DHRS3: variants seen among roughly 807,000 people sequenced by gnomAD.
The protein encoded by DHRS3 is short-chain dehydrogenase/reductase 3.
DHRS3 carries 14 observed loss-of-function variants against 27.2 expected under a neutral mutation model. The ratio of observed to expected loss-of-function variants is 0.52; its 90% CI spans 0.34 to 0.81. The LOEUF (loss-of-function observed/expected upper bound fraction) is 0.81, where lower values mean the gene tolerates loss of function less well. Among genes scored for constraint, DHRS3 ranks in the 30% least tolerant of loss-of-function variants. The probability of loss-of-function intolerance (pLI) is 0.01; values close to 1 mark genes in which losing one functional copy is unlikely to be tolerated. For synonymous variants in DHRS3, 165 were observed against 175.9 expected, an observed-to-expected ratio of 0.94 and a Z score of 0.49; for missense variants, 322 against 406.2, an observed-to-expected ratio of 0.79 and a Z score of 1.78.
intron 5 of DHRS3, among the ~76,000 whole-genome samples, chr1:12,571,285 G>A (rs1438676727): frequency 6.6e-6 from 1 of 152,186 alleles, no homozygotes; most frequent in Non-Finnish European, 1.5e-5. Context: ...TCTGGAGGAG[G>A]AGTCTCTCAT....
Position 12,617,819 on chromosome 1 carries a change from G to A in DHRS3, c.-471C>T, listed in dbSNP as rs1372918055. 1 of 43,052 alleles carries A rather than the reference G, an allele frequency of 2.3e-5. No individual in the cohort carries two copies. Among genetic ancestry groups the A allele is most frequent in the South Asian group, 8.3e-4 (1 of 1,206 alleles). 2.7% of individuals were successfully genotyped at this position (43,052 alleles called of 1,614,324 possible). ...AAAAAAAAAAAAAAAAAAAAAAGCT[G>A]ATTCCAAATTGTAGCGCCCCCACCC... On this transcript the variant is annotated 5_prime_UTR_variant, in exon 1 of 6. Coordinates refer to ENST00000616661, the MANE Select transcript of DHRS3 (RefSeq NM_004753.7).
At chr1:12,590,385 A>T (rs1313448876) in intron 1 of DHRS3, among the ~76,000 whole-genome samples, 1 of 152,130 alleles carries the variant, frequency 6.6e-6, no homozygotes, top group Non-Finnish European at 1.5e-5. Context: ...ATCTTGGCTC[A>T]CTGAAACCTT....
intron 1 of DHRS3, among the ~76,000 whole-genome samples, chr1:12,609,275 A>G (rs6541044): frequency 0.55 from 83,963 of 151,986 alleles, 24,329 homozygotes; most frequent in African/African-American, 0.74. Context: ...ATCAATGAAC[A>G]GAGCCAACAT....
chr1:12,612,825 G>T (rs1452694374), intron 1 of DHRS3, among the ~76,000 whole-genome samples: 1 of 152,138 alleles, frequency 6.6e-6, no homozygotes, highest in Non-Finnish European at 1.5e-5. Context: ...TCGGGAGGCT[G>T]AGGCAGGTGG....
chr1:12,586,255 A>G lies in DHRS3; in HGVS notation c.196-5589T>C, dbSNP rs1646696275. On this transcript the variant is annotated intron_variant, in intron 1 of 5. Coordinates refer to ENST00000616661, the MANE Select transcript of DHRS3 (RefSeq NM_004753.7). The surrounding 1 kb of genome is among the most constrained non-coding windows in gnomAD (Gnocchi z 5.0). ...AAACCGTAGCTCAAAGGAGTTAAGT[A>G]ACTCACCCCACGCCACCCACTGTGA... 6.6e-6 allele frequency among the ~76,000 whole-genome samples: 1 copy of G among 152,202 alleles called. No homozygotes were observed. The highest frequency in any genetic ancestry group is 1.5e-5 in the Non-Finnish European group (1 of 68,028).
Position 12,593,448 on chromosome 1 carries a change from C to T in DHRS3, c.196-12782G>A, listed in dbSNP as rs961762762. ...TGAACTCCTGGCTTCAAGTGATCCT[C>T]CTGCCTCAGTCTCCCAAAGTGCTGG... On this transcript the variant is annotated intron_variant, in intron 1 of 5. Coordinates refer to ENST00000616661, the MANE Select transcript of DHRS3 (RefSeq NM_004753.7). This position sits in a 1 kb window ranked among gnomAD's most constrained non-coding sequence, Gnocchi z 4.6. 6.6e-6 allele frequency among the ~76,000 whole-genome samples: 1 copy of T among 152,100 alleles called. No individual in the cohort carries two copies. Among genetic ancestry groups the T allele is most frequent in the African/African-American group, 2.4e-5 (1 of 41,404 alleles).
rs147674324 is a variant in DHRS3 at position 12,613,858 on chromosome 1, C to G, written c.195+3296G>C. 6.5e-3 allele frequency among the ~76,000 whole-genome samples: 984 copies of G among 152,272 alleles called. 10 individuals carry two copies. The highest frequency in any genetic ancestry group is 0.038 in the Middle Eastern group (11 of 292). ...GATCTAGGCTCACTGCAACCTCTAC[C>G]TCCTGGGTTCAAGCACTTCTCCTGC... On this transcript the variant is annotated intron_variant, in intron 1 of 5. Transcript: ENST00000616661.
intron 1 of DHRS3, 42 bp downstream of exon 1, chr1:12,617,112 C>A (rs745640932): frequency 3.8e-6 from 6 of 1,579,154 alleles, no homozygotes; most frequent in Admixed American, 3.5e-5. Context: ...CTTACCCCCG[C>A]CCCTGCGGCC....
rs1261431906 is a variant in DHRS3 at position 12,617,739 on chromosome 1, A to G, written c.-391T>C. 1 of 138,868 alleles carries G rather than the reference A, an allele frequency of 7.2e-6. No individual in the cohort carries two copies. Among genetic ancestry groups the G allele is most frequent in the East Asian group, 2.3e-4 (1 of 4,282 alleles). 8.6% of individuals were successfully genotyped at this position (138,868 alleles called of 1,614,324 possible). A position where few individuals can be genotyped will look rare whatever the true frequency, so the allele number is the denominator to read the frequency against. On this transcript the variant is annotated 5_prime_UTR_variant, in exon 1 of 6. Transcript: ENST00000616661. ...GGAAGAAAAAAAAAAAAAGGCACCA[A>G]CCACACGCGCGCACCCTGCCTCGGT...
At chr1:12,583,417 TATCC>T (rs113024057) in intron 1 of DHRS3, among the ~76,000 whole-genome samples, 23,912 of 84,214 alleles carry the variant, frequency 0.28, 3,718 homozygotes, top group Middle Eastern at 0.32. Context: ...CTCACCTACT[TATCC>T]ATCCATCCAT....
chr1:12,579,822 T>C, intron 2 of DHRS3: 1 of 183,512 alleles, frequency 5.4e-6, no homozygotes, highest in South Asian at 1.1e-4. Flanking sequence ...GAACGAGTAA[T>C]TTCTGAGTCC....
At position 12,586,168 on chromosome 1, in the gene DHRS3, A is replaced by G. The variant is rs1646695662; in HGVS notation, c.196-5502T>C. ...AGCTGCTCTCAAGGCGGCTATAGCC[A>G]GACAGATTCCTCAGCAGCCCTCTGC... is the stretch of plus-strand genomic sequence containing the variant. On this transcript the variant is annotated intron_variant, in intron 1 of 5. Coordinates refer to ENST00000616661, the MANE Select transcript of DHRS3 (RefSeq NM_004753.7). This position sits in a 1 kb window ranked among gnomAD's most constrained non-coding sequence, Gnocchi z 5.0. Among the ~76,000 whole-genome samples, 1 of 152,228 alleles carries G rather than the reference A, an allele frequency of 6.6e-6. No individual in the cohort carries two copies.
intron 1 of DHRS3, among the ~76,000 whole-genome samples, chr1:12,613,574 T>C (rs1477145924): frequency 1.3e-5 from 2 of 152,164 alleles, no homozygotes; most frequent in African/African-American, 4.8e-5. Context: ...ACTTGCTGAA[T>C]GGAAGTGCTG....
chr1:12,599,396 G>A (rs72642700), intron 1 of DHRS3, among the ~76,000 whole-genome samples: 13,452 of 152,340 alleles, frequency 0.088, 760 homozygotes, highest in East Asian at 0.23. Context: ...GTGATTTTCC[G>A]TGGTCCTCAG....
chr1:12,590,656 A>T (rs1646738292), intron 1 of DHRS3, among the ~76,000 whole-genome samples: 1 of 151,976 alleles, frequency 6.6e-6, no homozygotes. Context: ...AAAAAAAAAT[A>T]GTTGGAATGT....
At chr1:12,596,635 C>A (rs937392769) in intron 1 of DHRS3, among the ~76,000 whole-genome samples, 19 of 152,246 alleles carry the variant, frequency 1.2e-4, no homozygotes, top group Non-Finnish European at 2.1e-4. Flanking sequence ...TGAAAAGCAG[C>A]CTGGTTGGGG....
Position 12,580,636 on chromosome 1 carries a change from G to C in DHRS3, c.226C>G (p.Leu76Val), listed in dbSNP as rs1449000705. The change falls in exon 2 of 6, where the codon CTG becomes GTG. Residue 76 changes from leucine (L) to valine (V), a missense_variant. By Grantham distance (32) the Leu-to-Val change is conservative (BLOSUM62 1). Transcript: ENST00000616661. ...IVLWGRTEKCLKETTEEIRQM... is the reference protein window; with the variant it reads ...IVLWGRTEKCVKETTEEIRQM... The stretch of plus-strand genomic sequence containing the variant: ...CGGATCTCCTCCGTCGTCTCCTTCA[G>C]GCATTTCTCAGTCCGGCCCCAGAGA... 4 of 1,613,880 alleles carry C rather than the reference G, an allele frequency of 2.5e-6. No individual in the cohort carries two copies. The highest frequency in any genetic ancestry group is 3.3e-5 in the Admixed American group (2 of 59,992).
chr1:12,585,215 CTGTGTGTGTGTGTCTATGTGAG>C (rs1646684680), intron 1 of DHRS3, among the ~76,000 whole-genome samples: 13 of 12,112 alleles, frequency 1.1e-3, no homozygotes, highest in African/African-American at 2.0e-3. Context: ...CTGTGTATCT[CTGTGTGTGTGTGTCTATGTGAG>C]TGTGTGTCTC....
At chr1:12,577,162 G>C (rs1271485377) in intron 4 of DHRS3, among the ~76,000 whole-genome samples, 2 of 151,902 alleles carry the variant, frequency 1.3e-5, no homozygotes, top group African/African-American at 4.8e-5. Flanking sequence ...ACTGTACGCT[G>C]GATTGCAAAA....
Sources: gnomAD v4.1 joint callset for allele counts (sites outside exome capture counted in the v4.1 genomes callset) on GRCh38, gnomAD v4.1.1 for gene constraint, Gnocchi (gnomAD v3.1) non-coding constraint, MANE v1.5 for transcripts, NCBI Gene and HGNC (gene_info 2026-07-23, HGNC 2026-07-21) for gene names.